GRIP1: variants seen among roughly 807,000 people sequenced by gnomAD.
GRIP1 encodes glutamate receptor interacting protein 1.
Under a neutral mutation model 129.9 loss-of-function variants are expected in GRIP1, and 45 were observed. That is an observed-to-expected ratio of 0.35 (90% CI 0.27 to 0.44). GRIP1 has a LOEUF of 0.44. Ranked by LOEUF, GRIP1 falls within the 20% of genes least tolerant of loss-of-function variation. The pLI, the probability that GRIP1 is intolerant of heterozygous loss-of-function variation, is 1.00. For missense variants in GRIP1, 1,196 were observed against 1,396.8 expected (o/e 0.86, Z 2.29); for synonymous variants, 530 against 520.8 (o/e 1.02, Z -0.24).
chr12:66,373,163 C>T lies in GRIP1; in HGVS notation c.2779-1236G>A, dbSNP rs180937375. Among the ~76,000 whole-genome samples, 259 of 152,256 alleles carry T rather than the reference C, an allele frequency of 1.7e-3. 1 individual carries two copies. The highest frequency in any genetic ancestry group is 0.012 in the Admixed American group (188 of 15,284). ...GGGGTGCAGTGGTGTGATCCTGGAT[C>T]ACTGCAACCTCTGCCTTCTTTGTTC... is the stretch of plus-strand genomic sequence containing the variant. On this transcript the variant is annotated intron_variant, in intron 22 of 24. Coordinates refer to ENST00000359742, the MANE Select transcript of GRIP1 (RefSeq NM_001366722.1).
At chr12:66,633,247 TTA>T (rs1191137132) in intron 1 of GRIP1, among the ~76,000 whole-genome samples, 1 of 147,112 alleles carries the variant, frequency 6.8e-6, no homozygotes, top group African/African-American at 2.5e-5. Flanking sequence ...TTTATATGTA[TTA>T]TATATAATAT....
At chr12:66,841,213 T>C (rs1044783758) in intron 1 of GRIP1, among the ~76,000 whole-genome samples, 1 of 152,182 alleles carries the variant, frequency 6.6e-6, no homozygotes, top group Middle Eastern at 3.2e-3. Context: ...ACTGGCATAA[T>C]GTAGACCCTT....
chr12:66,501,190 C>T (rs1226243643), intron 7 of GRIP1, among the ~76,000 whole-genome samples: 3 of 152,176 alleles, frequency 2.0e-5, no homozygotes, highest in African/African-American at 7.2e-5. Context: ...AATAGTTTAT[C>T]TCCTTGACAG....
At position 66,614,330 on chromosome 12, in the gene GRIP1, C is replaced by A. The variant is rs887930609; in HGVS notation, c.56-17403G>T. Among the ~76,000 whole-genome samples, 12 of 152,048 alleles carry A rather than the reference C, an allele frequency of 7.9e-5. 1 individual carries two copies. The highest frequency in any genetic ancestry group is 7.9e-4 in the Admixed American group (12 of 15,230). On this transcript the variant is annotated intron_variant, in intron 1 of 24. Transcript: ENST00000359742. ...CATCTAAAAGGCATTTTAATCTTAA[C>A]ATGTCCCAAACAGAACTATTGATTT...
intron 1 of GRIP1, among the ~76,000 whole-genome samples, chr12:66,690,421 T>G (rs1565969581): frequency 6.6e-6 from 1 of 151,822 alleles, no homozygotes; most frequent in East Asian, 2.0e-4. Flanking sequence ...TTTTCTTTAT[T>G]TACTCATTTC....
At position 66,434,459 on chromosome 12, in the gene GRIP1, T is replaced by G. The variant is rs146189126; in HGVS notation, c.1688-1831A>C. 2.5e-3 allele frequency among the ~76,000 whole-genome samples: 385 copies of G among 152,340 alleles called. 1 individual carries two copies. The highest frequency in any genetic ancestry group is 8.9e-3 in the African/African-American group (368 of 41,580). ...AATCCACATATATTTATTTGTTTAT[T>G]TATTCACTAAGAATTTGTATCCTTT... is the stretch of plus-strand genomic sequence containing the variant. On this transcript the variant is annotated intron_variant, in intron 13 of 24. Coordinates refer to ENST00000359742, the MANE Select transcript of GRIP1 (RefSeq NM_001366722.1).
intron 11 of GRIP1, among the ~76,000 whole-genome samples, chr12:66,449,300 C>T (rs2058711452): frequency 6.6e-6 from 1 of 152,180 alleles, no homozygotes; most frequent in African/African-American, 2.4e-5. Context: ...GGGATGTCAT[C>T]TACATATTCC....
intron 7 of GRIP1, among the ~76,000 whole-genome samples, chr12:66,495,063 T>G (rs1196730031): frequency 6.6e-6 from 1 of 152,240 alleles, no homozygotes; most frequent in Non-Finnish European, 1.5e-5. Context: ...AAATTAATGT[T>G]AGTTTTCTTC....
At chr12:66,625,781 G>GA (rs2029942937) in intron 1 of GRIP1, among the ~76,000 whole-genome samples, 2 of 152,124 alleles carry the variant, frequency 1.3e-5, no homozygotes, top group Admixed American at 1.3e-4. Flanking sequence ...CCTTAGATGA[G>GA]AAGTTTGATA....
intron 11 of GRIP1, among the ~76,000 whole-genome samples, chr12:66,448,115 G>C (rs1452130650): frequency 6.6e-6 from 1 of 151,806 alleles, no homozygotes; most frequent in Non-Finnish European, 1.5e-5. Context: ...TTTTTGTCAA[G>C]CTCCAGTAAT....
intron 1 of GRIP1, among the ~76,000 whole-genome samples, chr12:66,605,745 A>G (rs2064494466): frequency 6.6e-6 from 1 of 152,144 alleles, no homozygotes; most frequent in Non-Finnish European, 1.5e-5. Context: ...TGTAGTGTAA[A>G]TTGATACATG....
At chr12:66,724,694 T>C (rs1238472137) in intron 1 of GRIP1, among the ~76,000 whole-genome samples, 1 of 152,170 alleles carries the variant, frequency 6.6e-6, no homozygotes, top group African/African-American at 2.4e-5. Context: ...TTCTGTGTCC[T>C]TTTGTCTTGG....
chr12:66,857,328 C>T (rs2040025010), intron 1 of GRIP1, among the ~76,000 whole-genome samples: 1 of 151,862 alleles, frequency 6.6e-6, no homozygotes, highest in Admixed American at 6.6e-5. Flanking sequence ...CACATGTACC[C>T]TAAAAGTATA....
intron 23 of GRIP1, among the ~76,000 whole-genome samples, chr12:66,364,619 G>A (rs2055026926): frequency 6.6e-6 from 1 of 152,174 alleles, no homozygotes; most frequent in Non-Finnish European, 1.5e-5. Flanking sequence ...TGAGAAAAAT[G>A]CATATCTGAC....
At chr12:66,873,300 G>C (rs1347443363) in intron 1 of GRIP1, among the ~76,000 whole-genome samples, 1 of 152,060 alleles carries the variant, frequency 6.6e-6, no homozygotes, top group Non-Finnish European at 1.5e-5. Flanking sequence ...CCTCCTGATG[G>C]GGAAGTGGCA....
intron 2 of GRIP1, among the ~76,000 whole-genome samples, chr12:66,593,316 G>T (rs1486863633): frequency 6.6e-6 from 1 of 152,176 alleles, no homozygotes; most frequent in Non-Finnish European, 1.5e-5. Context: ...TTTAATGAAA[G>T]ACACATATTT....
At chr12:66,722,043 T>TC (rs2136449465) in intron 1 of GRIP1, among the ~76,000 whole-genome samples, 1 of 152,318 alleles carries the variant, frequency 6.6e-6, no homozygotes, top group South Asian at 2.1e-4. Context: ...CATTAAAACT[T>TC]TCTCCGTATT....
intron 1 of GRIP1, among the ~76,000 whole-genome samples, chr12:66,929,114 T>C (rs2041344727): frequency 6.6e-6 from 1 of 152,224 alleles, no homozygotes; most frequent in African/African-American, 2.4e-5. Flanking sequence ...TTCCAGTCTT[T>C]GTGTGAAAAT....
chr12:66,628,507 C>T (rs1592670616), intron 1 of GRIP1, among the ~76,000 whole-genome samples: 2 of 152,206 alleles, frequency 1.3e-5, no homozygotes, highest in East Asian at 1.9e-4. Flanking sequence ...CCTTTTAGTC[C>T]TGTTAACCCC....
Sources: gnomAD v4.1 joint callset for allele counts (sites outside exome capture counted in the v4.1 genomes callset) on GRCh38, gnomAD v4.1.1 for gene constraint, MANE v1.5 for transcripts, NCBI Gene and HGNC (gene_info 2026-07-23, HGNC 2026-07-21) for gene names.